RORA: variants seen among roughly 807,000 people sequenced by gnomAD.
The protein encoded by RORA is nuclear receptor ROR-alpha.
In RORA, 7 loss-of-function variants were observed where a neutral mutation model predicts 69.5. The observed-to-expected ratio is 0.10, with a 90% CI of 0.06 to 0.19. The LOEUF (loss-of-function observed/expected upper bound fraction) is 0.19, where lower values mean the gene tolerates loss of function less well. Among genes scored for constraint, RORA ranks in the 10% least tolerant of loss-of-function variants. The pLI is 1.00. For missense variants in RORA, 457 were observed against 663.0 expected (o/e 0.69, Z 3.41); for synonymous variants, 261 against 240.8 (o/e 1.08, Z -0.78).
chr15:61,056,633 G>A lies in RORA; in HGVS notation c.166+172420C>T, dbSNP rs184302592. Among the ~76,000 whole-genome samples the A allele has an allele frequency of 9.0e-4, 137 of 152,224 alleles. 1 individual carries two copies. Among genetic ancestry groups the A allele is most frequent in the Non-Finnish European group, 1.4e-3 (93 of 68,012 alleles). ...CTGGTGTTTTTGTCATCTAAACATG[G>A]TTCTAGAAATCAAAACAAATAGAAA... On this transcript the variant is annotated intron_variant, in intron 1 of 10. Transcript: ENST00000335670.
At chr15:60,536,170 C>T (rs188474566) in intron 2 of RORA, among the ~76,000 whole-genome samples, 1 of 152,172 alleles carries the variant, frequency 6.6e-6, no homozygotes, top group Non-Finnish European at 1.5e-5. Flanking sequence ...CCTCTCTGAG[C>T]CTCAGTTTCA....
At chr15:60,914,269 TG>T (rs988971578) in intron 1 of RORA, among the ~76,000 whole-genome samples, 3 of 151,948 alleles carry the variant, frequency 2.0e-5, no homozygotes, top group African/African-American at 4.8e-5. Flanking sequence ...AGAGAAAGGG[TG>T]GGAGGCTTTG....
At chr15:60,913,867 G>GT (rs1346054895) in intron 1 of RORA, among the ~76,000 whole-genome samples, 1 of 152,160 alleles carries the variant, frequency 6.6e-6, no homozygotes, top group Non-Finnish European at 1.5e-5. Flanking sequence ...TATCTTTCCT[G>GT]TTTTTTCCAT....
intron 1 of RORA, among the ~76,000 whole-genome samples, chr15:60,729,293 G>T (rs927261978): frequency 1.1e-4 from 17 of 152,132 alleles, no homozygotes; most frequent in African/African-American, 3.6e-4. Context: ...AACTGGAAAT[G>T]CTCAGTCTTT....
At chr15:60,853,870 G>A (rs913468337) in intron 1 of RORA, among the ~76,000 whole-genome samples, 5 of 152,224 alleles carry the variant, frequency 3.3e-5, no homozygotes, top group Middle Eastern at 3.4e-3. Context: ...CTGTAATTCC[G>A]CAATGTTTTC....
At chr15:60,930,379 A>C (rs1190538512) in intron 1 of RORA, among the ~76,000 whole-genome samples, 1 of 152,186 alleles carries the variant, frequency 6.6e-6, no homozygotes, top group Non-Finnish European at 1.5e-5. Flanking sequence ...CGAGAGACAG[A>C]AAGATCCAAT....
intron 1 of RORA, among the ~76,000 whole-genome samples, chr15:60,817,245 A>C (rs181445063): frequency 6.6e-6 from 1 of 152,258 alleles, no homozygotes; most frequent in East Asian, 1.9e-4. Context: ...AAGTCACACA[A>C]TTTTTTTGGT....
intron 1 of RORA, among the ~76,000 whole-genome samples, chr15:61,045,662 G>C (rs1308384905): frequency 6.6e-6 from 1 of 152,162 alleles, no homozygotes; most frequent in East Asian, 1.9e-4. Flanking sequence ...AGACAGTGCA[G>C]AGAATGAGGG....
At chr15:60,977,493 C>T (rs1218135888) in intron 1 of RORA, among the ~76,000 whole-genome samples, 1 of 151,858 alleles carries the variant, frequency 6.6e-6, no homozygotes, top group Non-Finnish European at 1.5e-5. Context: ...TAAAATTAAC[C>T]ATTTTAAGGT....
intron 1 of RORA, among the ~76,000 whole-genome samples, chr15:61,212,493 A>G (rs902949954): frequency 6.6e-6 from 1 of 152,150 alleles, no homozygotes; most frequent in Non-Finnish European, 1.5e-5. Flanking sequence ...TCTGCCTCCC[A>G]GGTTCGGGTG....
intron 1 of RORA, chr15:60,849,054 T>A (rs1422234630): frequency 6.6e-6 from 1 of 152,278 alleles, no homozygotes; most frequent in Non-Finnish European, 1.5e-5. Context: ...AACCTGAGAC[T>A]GTGCCCCACC....
At chr15:60,545,295 A>G (rs548300883) in intron 2 of RORA, 5 of 152,212 alleles carry the variant, frequency 3.3e-5, no homozygotes, top group Non-Finnish European at 7.4e-5. Flanking sequence ...CGCACCTCAA[A>G]CACACCCACC....
intron 1 of RORA, among the ~76,000 whole-genome samples, chr15:61,200,378 T>A (rs1346119418): frequency 1.3e-5 from 2 of 152,088 alleles, no homozygotes; most frequent in Admixed American, 6.5e-5. Context: ...TGGTGTCATG[T>A]TGTACCCCAA....
chr15:60,872,455 G>A (rs763248543), intron 1 of RORA, among the ~76,000 whole-genome samples: 2 of 152,106 alleles, frequency 1.3e-5, no homozygotes, highest in East Asian at 1.9e-4. Flanking sequence ...GAAACTTTTC[G>A]AATGGTACCT....
intron 1 of RORA, among the ~76,000 whole-genome samples, chr15:61,166,667 T>C (rs559539795): frequency 1.2e-3 from 189 of 152,012 alleles, no homozygotes; most frequent in Non-Finnish European, 2.0e-3. Context: ...GAGGTCATCT[T>C]TCCAAAAGTC....
At chr15:60,836,310 C>T (rs924536404) in intron 1 of RORA, among the ~76,000 whole-genome samples, 1 of 152,162 alleles carries the variant, frequency 6.6e-6, no homozygotes, top group Non-Finnish European at 1.5e-5. Context: ...AAAAAAGGAA[C>T]TTCCGTCTTG....
At position 60,491,750 on chromosome 15, in the gene RORA, C is replaced by A. The variant is rs1335825067; in HGVS notation, c.*5705G>T. 1 of 151,890 alleles carries A rather than the reference C, an allele frequency of 6.6e-6. No homozygotes were observed. Among genetic ancestry groups the A allele is most frequent in the Non-Finnish European group, 1.5e-5 (1 of 67,972 alleles). The allele number at this position is 151,890 out of a possible 1,614,324, so 9.4% of individuals were successfully genotyped here. ...ACAGACCCAGAAGTGAAACCAATTG[C>A]ACTGTGGAGACATTGCTAGTCAGTC... On this transcript the variant is annotated 3_prime_UTR_variant, in exon 11 of 11. Transcript: ENST00000335670.
intron 1 of RORA, among the ~76,000 whole-genome samples, chr15:60,780,600 A>G (rs576684580): frequency 6.6e-6 from 1 of 152,256 alleles, no homozygotes; most frequent in Admixed American, 6.5e-5. Flanking sequence ...AATGGACTCA[A>G]AAGAAACAAT....
rs112964263 is a variant in RORA, at chr15:60,800,770, C to T, written c.167-122084G>A. Among the ~76,000 whole-genome samples, 182 of 152,302 alleles carry T rather than the reference C, an allele frequency of 1.2e-3. 2 individuals carry two copies. Among genetic ancestry groups the T allele is most frequent in the African/African-American group, 4.1e-3 (170 of 41,548 alleles). On this transcript the variant is annotated intron_variant, in intron 1 of 10. Coordinates refer to ENST00000335670, the MANE Select transcript of RORA (RefSeq NM_134261.3). ...ATCCTCCAGGACCCAGTTCATATGC[C>T]GCCCCCACCTCTTTGGGAAGAGGCC... is the stretch of plus-strand genomic sequence containing the variant.
Sources: gnomAD v4.1 joint callset for allele counts (sites outside exome capture counted in the v4.1 genomes callset) on GRCh38, gnomAD v4.1.1 for gene constraint, MANE v1.5 for transcripts, NCBI Gene and HGNC (gene_info 2026-07-23, HGNC 2026-07-21) for gene names.